SUGCT: variants seen among roughly 807,000 people sequenced by gnomAD.
SUGCT encodes the protein succinyl-CoA:glutarate CoA-transferase.
SUGCT carries 41 observed loss-of-function variants against 55.0 expected under a neutral mutation model. That is an observed-to-expected ratio of 0.74 (90% CI 0.58 to 0.97). SUGCT has a LOEUF of 0.97. Among genes scored for constraint, SUGCT ranks in the 50% least tolerant of loss-of-function variants. The pLI, the probability that SUGCT is intolerant of heterozygous loss-of-function variation, is 0.00. For synonymous variants in SUGCT, 187 were observed against 200.4 expected (o/e 0.93, Z 0.56); for missense variants, 568 against 547.8 (o/e 1.04, Z -0.37).
At chr7:40,336,329 G>C in intron 9 of SUGCT, among the ~76,000 whole-genome samples, 1 of 152,184 alleles carries the variant, frequency 6.6e-6, no homozygotes, top group East Asian at 1.9e-4. Context: ...AATGGTACCA[G>C]CTCCTCCCTG....
chr7:40,996,137 TC>T, the SUGCT span, among the ~76,000 whole-genome samples: 1 of 152,190 alleles, frequency 6.6e-6, no homozygotes, highest in Non-Finnish European at 1.5e-5. Flanking sequence ...ATGGACCAAA[TC>T]TCCCTGGCTG....
At chr7:40,767,893 C>T (rs1788885942) in intron 13 of SUGCT, among the ~76,000 whole-genome samples, 1 of 151,738 alleles carries the variant, frequency 6.6e-6, no homozygotes, top group African/African-American at 2.4e-5. Context: ...CCTGGAAGGA[C>T]ACAGTTACCA....
chr7:40,164,810 A>C (rs1346666574), intron 1 of SUGCT, among the ~76,000 whole-genome samples: 2 of 152,232 alleles, frequency 1.3e-5, no homozygotes, highest in Admixed American at 6.5e-5. Flanking sequence ...CCTTGAGTCC[A>C]TGAAGATCTT....
intron 12 of SUGCT, among the ~76,000 whole-genome samples, chr7:40,541,230 C>T (rs1794658734): frequency 6.6e-6 from 1 of 151,972 alleles, no homozygotes; most frequent in Non-Finnish European, 1.5e-5. Flanking sequence ...ACTAAAGTGA[C>T]AATAAATAAA....
intron 6 of SUGCT, among the ~76,000 whole-genome samples, chr7:40,201,726 G>A (rs555266526): frequency 7.6e-4 from 115 of 152,262 alleles, no homozygotes; most frequent in African/African-American, 2.7e-3. Flanking sequence ...CTGTAGACAT[G>A]GACTGATTCC....
At chr7:40,822,230 T>C (rs142530316) in intron 13 of SUGCT, among the ~76,000 whole-genome samples, 17,553 of 152,264 alleles carry the variant, frequency 0.12, 1,326 homozygotes, top group South Asian at 0.23. Flanking sequence ...CTGAGAAGAA[T>C]GTATATTCTG....
chr7:40,422,260 G>T (rs901863976), intron 9 of SUGCT, among the ~76,000 whole-genome samples: 1 of 151,674 alleles, frequency 6.6e-6, no homozygotes, highest in East Asian at 1.9e-4. Flanking sequence ...TTTAGAATAG[G>T]GTGTAATTAA....
chr7:40,573,663 C>T (rs1449241111), intron 12 of SUGCT, among the ~76,000 whole-genome samples: 1 of 152,160 alleles, frequency 6.6e-6, no homozygotes, highest in Non-Finnish European at 1.5e-5. Flanking sequence ...AGAAGTAGAG[C>T]TTTGATTTTC....
chr7:40,825,676 A>C (rs2128771340), intron 13 of SUGCT, among the ~76,000 whole-genome samples: 1 of 152,252 alleles, frequency 6.6e-6, no homozygotes, highest in African/African-American at 2.4e-5. Context: ...GTCAGAGTGG[A>C]CTCAGCTCAT....
At chr7:40,969,520 A>AT in the SUGCT span, among the ~76,000 whole-genome samples, 30 of 151,078 alleles carry the variant, frequency 2.0e-4, no homozygotes, top group South Asian at 1.0e-3. Context: ...TGGCTATTTT[A>AT]TTTTTTTTTA....
intron 12 of SUGCT, among the ~76,000 whole-genome samples, chr7:40,582,948 C>G (rs879561806): frequency 1.3e-5 from 2 of 152,066 alleles, no homozygotes; most frequent in Non-Finnish European, 2.9e-5. Flanking sequence ...TTTTCATAAG[C>G]AATTTTGGAT....
rs543732591 is a variant in SUGCT at position 40,211,681 on chromosome 7, T to C, written c.484+16621T>C. ...GGCCCAGACACATCTCAGATGAAGATGGTGGAGAGAAAGCGGGACAAGGCC... is the reference window on the plus strand; with the variant it reads ...GGCCCAGACACATCTCAGATGAAGACGGTGGAGAGAAAGCGGGACAAGGCC... On this transcript the variant is annotated intron_variant, in intron 6 of 13. Transcript: ENST00000335693. Among the ~76,000 whole-genome samples the C allele has an allele frequency of 1.5e-3, 228 of 152,306 alleles. 1 individual carries two copies. Among genetic ancestry groups the C allele is most frequent in the Non-Finnish European group, 2.7e-3 (184 of 68,018 alleles).
chr7:40,180,186 C>T (rs917493771), intron 1 of SUGCT, among the ~76,000 whole-genome samples: 1 of 151,004 alleles, frequency 6.6e-6, no homozygotes, highest in African/African-American at 2.4e-5. Context: ...TGCAGTGGCT[C>T]GATCTCGGCT....
chr7:40,846,647 A>G (rs1793570654), intron 13 of SUGCT, among the ~76,000 whole-genome samples: 2 of 152,266 alleles, frequency 1.3e-5, no homozygotes, highest in African/African-American at 4.8e-5. Flanking sequence ...ATTAGCAATC[A>G]TGAAATATAT....
intron 7 of SUGCT, among the ~76,000 whole-genome samples, chr7:40,260,640 CTTTTG>C (rs372937692): frequency 1.4e-3 from 208 of 152,040 alleles, no homozygotes; most frequent in Middle Eastern, 6.8e-3. Flanking sequence ...GATTAAAAAG[CTTTTG>C]TTTTGTTTTG....
intron 12 of SUGCT, among the ~76,000 whole-genome samples, chr7:40,605,638 C>T (rs951881970): frequency 7.2e-5 from 11 of 152,028 alleles, no homozygotes; most frequent in African/African-American, 2.2e-4. Flanking sequence ...TGAGAAACTC[C>T]GTCCAGAGGA....
chr7:40,484,961 C>T (rs981141831), intron 11 of SUGCT, among the ~76,000 whole-genome samples: 6 of 152,024 alleles, frequency 3.9e-5, no homozygotes, highest in Non-Finnish European at 7.4e-5. Flanking sequence ...TAAAAGGTAA[C>T]TTAAATTTTC....
chr7:40,922,641 A>T, the SUGCT span, among the ~76,000 whole-genome samples: 4 of 152,196 alleles, frequency 2.6e-5, no homozygotes, highest in South Asian at 2.1e-4. Context: ...CCACTGGTAT[A>T]TTTCACTTCA....
At chr7:40,209,607 A>G (rs771594543) in intron 6 of SUGCT, among the ~76,000 whole-genome samples, 11 of 152,056 alleles carry the variant, frequency 7.2e-5, no homozygotes, top group Non-Finnish European at 1.5e-5. Flanking sequence ...GACCAGCCTG[A>G]CCAACATGGT....
Sources: allele counts gnomAD v4.1 joint callset (sites outside exome capture counted in the v4.1 genomes callset), GRCh38; gene constraint gnomAD v4.1.1; transcripts MANE v1.5; gene names NCBI Gene and HGNC (gene_info 2026-07-23, HGNC 2026-07-21).